The following PADI2 variants were observed in gnomAD, a reference collection of about 807,000 sequenced individuals.
PADI2 encodes protein-arginine deiminase type-2.
In PADI2, 70 loss-of-function variants were observed where a neutral mutation model predicts 81.1. That is an observed-to-expected ratio of 0.86 (90% CI 0.71 to 1.05). The LOEUF is 1.05. Ranked by LOEUF, PADI2 falls within the 50% of genes least tolerant of loss-of-function variation. The pLI is 0.00. For missense variants in PADI2, 853 were observed against 889.9 expected (o/e 0.96, Z 0.53); for synonymous variants, 338 against 358.0 (o/e 0.94, Z 0.63).
At position 17,104,994 on chromosome 1, in the gene PADI2, G is replaced by C; in HGVS notation, c.160C>G (p.Arg54Gly). Reference sequence around the variant, plus strand: ...GCCACCTCCTCAGCCTCCCCATCACGCACCACCTCCACCCACACGTGTTCC... The same window carrying C: ...GCCACCTCCTCAGCCTCCCCATCACCCACCACCTCCACCCACACGTGTTCC... ...HSEHVWVEVV[R>G]DGEAEEVATN... The change falls in exon 2 of 16, where the codon CGT (arginine) becomes GGT (glycine). Residue 54 changes from arginine to glycine, a missense_variant. Coordinates refer to ENST00000375486, the MANE Select transcript of PADI2 (RefSeq NM_007365.3). 2 of 1,606,982 alleles carry C rather than the reference G, an allele frequency of 1.2e-6. No homozygotes were observed. The highest frequency in any genetic ancestry group is 1.7e-6 in the Non-Finnish European group (2 of 1,177,068).
intron 1 of PADI2, among the ~76,000 whole-genome samples, chr1:17,106,144 C>T (rs1484606852): frequency 3.3e-5 from 5 of 152,144 alleles, no homozygotes; most frequent in Admixed American, 2.6e-4. Flanking sequence ...TTCCTTCCTG[C>T]CACAGCTTTC....
chr1:17,114,503 T>A (rs1043863570), intron 1 of PADI2, among the ~76,000 whole-genome samples: 1 of 152,172 alleles, frequency 6.6e-6, no homozygotes, highest in African/African-American at 2.4e-5. Flanking sequence ...ACAATAATTG[T>A]ACCTAACTCA....
chr1:17,102,753 G>GGA (rs888766652), intron 3 of PADI2, among the ~76,000 whole-genome samples: 2 of 136,886 alleles, frequency 1.5e-5, no homozygotes, highest in African/African-American at 3.4e-5. Flanking sequence ...TTGACACTTG[G>GGA]GGGGGGGTTG....
intron 6 of PADI2, among the ~76,000 whole-genome samples, chr1:17,089,371 C>G (rs1414992505): frequency 6.6e-6 from 1 of 152,202 alleles, no homozygotes; most frequent in Non-Finnish European, 1.5e-5. Context: ...GCCCACAGGC[C>G]CCAGGCTGCA....
chr1:17,114,272 A>ACATT lies in PADI2; in HGVS notation c.92+5004_92+5007dup, dbSNP rs1384996637. ...GGCCAGTCCACAGGCATCACAGGCC[A>ACATT]CATTCATTCATTCATTCGTTCATTC... On this transcript the variant is annotated intron_variant, in intron 1 of 15. Transcript: ENST00000375486. 6.0e-4 allele frequency among the ~76,000 whole-genome samples: 92 copies of ACATT among 152,356 alleles called. 2 individuals carry two copies. Among genetic ancestry groups the ACATT allele is most frequent in the African/African-American group, 2.1e-3 (86 of 41,588 alleles).
At chr1:17,084,067 A>G (rs534283245) in intron 8 of PADI2, among the ~76,000 whole-genome samples, 4 of 152,076 alleles carry the variant, frequency 2.6e-5, no homozygotes, top group Non-Finnish European at 5.9e-5. Context: ...GAGGGGGGGA[A>G]CTCTCACCCC....
At chr1:17,088,943 A>C (rs1027956812) in intron 6 of PADI2, among the ~76,000 whole-genome samples, 6 of 137,100 alleles carry the variant, frequency 4.4e-5, no homozygotes, top group African/African-American at 1.4e-4. Context: ...CAAGCCTCAG[A>C]GAATTCACTT....
At chr1:17,096,583 G>A (rs1057458356) in intron 3 of PADI2, among the ~76,000 whole-genome samples, 2 of 152,188 alleles carry the variant, frequency 1.3e-5, no homozygotes, top group Non-Finnish European at 2.9e-5. Context: ...GAGGTCACCT[G>A]TGAGTCTAGA....
chr1:17,075,001 G>C (rs1557757924), intron 12 of PADI2, 52 bp from the exon 13 acceptor site: 2 of 1,186,200 alleles, frequency 1.7e-6, no homozygotes, highest in African/African-American at 3.0e-5. Context: ...GGCACCCAAG[G>C]AGCACGGGGA....
rs779487813 is a variant in PADI2, at chr1:17,115,548, G to C, written c.92+3732C>G. ...ACCACCCTGCTACCTACTTTACTCC[G>C]AGGCTGCCCTGTCCCTAATAATCCT... On this transcript the variant is annotated intron_variant, in intron 1 of 15. Coordinates refer to ENST00000375486, the MANE Select transcript of PADI2 (RefSeq NM_007365.3). The surrounding 1 kb of genome is among the most constrained non-coding windows in gnomAD (Gnocchi z 4.1). Among the ~76,000 whole-genome samples the C allele has an allele frequency of 2.6e-5, 4 of 152,322 alleles. No individual in the cohort carries two copies. The highest frequency in any genetic ancestry group is 5.9e-5 in the Non-Finnish European group (4 of 68,020).
chr1:17,081,793 A>AAAAC (rs35674150), intron 10 of PADI2, among the ~76,000 whole-genome samples: 11,990 of 152,082 alleles, frequency 0.079, 566 homozygotes, highest in Middle Eastern at 0.14. Context: ...AGATGACTTA[A>AAAAC]AAACAAACAA....
intron 1 of PADI2, among the ~76,000 whole-genome samples, chr1:17,118,385 A>G (rs959889480): frequency 5.9e-5 from 9 of 152,110 alleles, no homozygotes; most frequent in Non-Finnish European, 1.2e-4. Context: ...AAACCCCAGC[A>G]TAACCCCACC....
intron 11 of PADI2, among the ~76,000 whole-genome samples, chr1:17,078,369 C>T (rs1268555041): frequency 6.6e-6 from 1 of 152,070 alleles, no homozygotes; most frequent in Non-Finnish European, 1.5e-5. Context: ...CCTCGGCCTC[C>T]CAAAGTACTG....
At chr1:17,110,816 T>G (rs1931550793) in intron 1 of PADI2, among the ~76,000 whole-genome samples, 1 of 152,216 alleles carries the variant, frequency 6.6e-6, no homozygotes, top group African/African-American at 2.4e-5. Context: ...TTACTGGCCC[T>G]TTTGGCAGTT....
intron 6 of PADI2, among the ~76,000 whole-genome samples, chr1:17,086,923 G>A (rs550927496): frequency 2.2e-4 from 33 of 152,282 alleles, no homozygotes; most frequent in Admixed American, 1.8e-3. Context: ...CACCCTCTCT[G>A]GCTTTTGGCT....
chr1:17,098,790 C>T (rs141316572), intron 3 of PADI2, among the ~76,000 whole-genome samples: 1 of 152,330 alleles, frequency 6.6e-6, no homozygotes, highest in Non-Finnish European at 1.5e-5. Context: ...GTAGTCATGC[C>T]CATGGGACTT....
intron 7 of PADI2, 64 bp downstream of exon 7, chr1:17,086,457 C>A: frequency 1.4e-6 from 2 of 1,391,872 alleles, no homozygotes; most frequent in South Asian, 1.3e-5. Flanking sequence ...GAATGGCCCA[C>A]TAGTAGGAGA....
chr1:17,072,768 C>G (rs989419277), intron 13 of PADI2, among the ~76,000 whole-genome samples: 1 of 152,218 alleles, frequency 6.6e-6, no homozygotes, highest in African/African-American at 2.4e-5. Flanking sequence ...CTCTCTATCT[C>G]TCTTTCTAAA....
chr1:17,089,268 C>T (rs1466889014), intron 6 of PADI2, among the ~76,000 whole-genome samples: 1 of 152,218 alleles, frequency 6.6e-6, no homozygotes. Context: ...CACCCAGAAA[C>T]AATAGTGTGC....
Sources: allele counts gnomAD v4.1 joint callset (sites outside exome capture counted in the v4.1 genomes callset), GRCh38; gene constraint gnomAD v4.1.1; non-coding constraint Gnocchi (gnomAD v3.1); transcripts MANE v1.5; gene names NCBI Gene and HGNC (gene_info 2026-07-23, HGNC 2026-07-21).